Variants in ABTB3 observed in about 807,000 individuals in gnomAD.
The protein encoded by ABTB3 is ankyrin repeat- and BTB/POZ domain-containing protein 3.
chr12:107,476,187 C>A, the ABTB3 span, among the ~76,000 whole-genome samples: 11 of 152,126 alleles, frequency 7.2e-5, no homozygotes, highest in Non-Finnish European at 1.3e-4. Context: ...GCTGTTCAGC[C>A]CCTTGTCTGC....
the ABTB3 span, among the ~76,000 whole-genome samples, chr12:107,409,276 T>G: frequency 6.6e-6 from 1 of 152,206 alleles, no homozygotes; most frequent in Non-Finnish European, 1.5e-5. Context: ...CAGGCTCCAG[T>G]GCACAGTGAA....
the ABTB3 span, among the ~76,000 whole-genome samples, chr12:107,445,453 C>A: frequency 1.3e-5 from 2 of 152,150 alleles, no homozygotes; most frequent in Non-Finnish European, 2.9e-5. Flanking sequence ...CTGGTTTATT[C>A]ACTTTTTAAA....
At chr12:107,447,090 C>G in the ABTB3 span, among the ~76,000 whole-genome samples, 18 of 152,170 alleles carry the variant, frequency 1.2e-4, no homozygotes, top group African/African-American at 4.3e-4. Flanking sequence ...GAGTGCAGTT[C>G]CAGGCATCTG....
chr12:107,424,214 C>T, the ABTB3 span, among the ~76,000 whole-genome samples: 5 of 152,282 alleles, frequency 3.3e-5, no homozygotes, highest in Middle Eastern at 3.4e-3. Flanking sequence ...TTATCAGTGG[C>T]GGCTTCATCC....
chr12:107,551,846 G>A, the ABTB3 span, among the ~76,000 whole-genome samples: 5 of 151,844 alleles, frequency 3.3e-5, no homozygotes, highest in East Asian at 3.9e-4. Flanking sequence ...TCCACCTCCC[G>A]GGTTCAAGTG....
chr12:107,508,408 T>C, the ABTB3 span, among the ~76,000 whole-genome samples: 1 of 150,102 alleles, frequency 6.7e-6, no homozygotes, highest in Admixed American at 6.7e-5. Flanking sequence ...TCCATTGCCA[T>C]GATGTTAATT....
At chr12:107,614,472 G>T in the ABTB3 span, among the ~76,000 whole-genome samples, 1 of 152,132 alleles carries the variant, frequency 6.6e-6, no homozygotes. Flanking sequence ...GCTGAAAGCA[G>T]ACAGTCCCTT....
chr12:107,606,088 A>C, the ABTB3 span, among the ~76,000 whole-genome samples: 11 of 152,178 alleles, frequency 7.2e-5, no homozygotes, highest in African/African-American at 2.4e-4. Flanking sequence ...AGTCATAGGC[A>C]TGGTGGAGGG....
the ABTB3 span, among the ~76,000 whole-genome samples, chr12:107,461,894 A>T: frequency 6.6e-6 from 1 of 152,178 alleles, no homozygotes; most frequent in Non-Finnish European, 1.5e-5. Flanking sequence ...CTGGAATTCA[A>T]ATATGCTGAT....
the ABTB3 span, among the ~76,000 whole-genome samples, chr12:107,576,429 C>T: frequency 6.6e-6 from 1 of 152,298 alleles, no homozygotes; most frequent in South Asian, 2.1e-4. Flanking sequence ...CTCTTCTTGG[C>T]GTGCATGGCC....
the ABTB3 span, among the ~76,000 whole-genome samples, chr12:107,515,911 T>G: frequency 8.1e-6 from 1 of 123,582 alleles, no homozygotes; most frequent in Non-Finnish European, 1.9e-5. Flanking sequence ...GCAGTCAGCA[T>G]TTTTTATTAC....
chr12:107,375,846 A>C, the ABTB3 span, among the ~76,000 whole-genome samples: 1 of 151,954 alleles, frequency 6.6e-6, no homozygotes, highest in Non-Finnish European at 1.5e-5. Flanking sequence ...TCCTATTCAA[A>C]CCTGCAGAGG....
chr12:107,348,453 C>T, the ABTB3 span, among the ~76,000 whole-genome samples: 17 of 152,242 alleles, frequency 1.1e-4, no homozygotes, highest in East Asian at 9.7e-4. Context: ...GACCTGTTCA[C>T]GCCTGGTGCA....
the ABTB3 span, among the ~76,000 whole-genome samples, chr12:107,355,337 C>T: frequency 2.6e-5 from 4 of 152,188 alleles, no homozygotes; most frequent in East Asian, 3.9e-4. Flanking sequence ...CCTGTGTGGG[C>T]CCCAGCCCAG....
At chr12:107,561,953 C>T in the ABTB3 span, among the ~76,000 whole-genome samples, 1 of 152,172 alleles carries the variant, frequency 6.6e-6, no homozygotes, top group Non-Finnish European at 1.5e-5. Context: ...GATTTAGATG[C>T]TCCTACTTCC....
the ABTB3 span, among the ~76,000 whole-genome samples, chr12:107,655,274 T>TATATATAC: frequency 2.6e-4 from 39 of 151,242 alleles, no homozygotes; most frequent in African/African-American, 9.3e-4. Flanking sequence ...TATATATATA[T>TATATATAC]ACACCTACAA....
At chr12:107,609,729 A>G in the ABTB3 span, among the ~76,000 whole-genome samples, 2 of 152,304 alleles carry the variant, frequency 1.3e-5, no homozygotes, top group Admixed American at 6.5e-5. Flanking sequence ...CGGTAGATAA[A>G]CAGGCCAGCT....
chr12:107,374,404 T>G, the ABTB3 span, among the ~76,000 whole-genome samples: 1 of 152,134 alleles, frequency 6.6e-6, no homozygotes, highest in South Asian at 2.1e-4. Flanking sequence ...GACTCACTCC[T>G]CTCTCCTCAT....
At chr12:107,377,330 G>A in the ABTB3 span, among the ~76,000 whole-genome samples, 1 of 152,038 alleles carries the variant, frequency 6.6e-6, no homozygotes, top group East Asian at 1.9e-4. Flanking sequence ...TTCTCCCTCT[G>A]TCCGGTTTTG....
Sources: gnomAD v4.1 joint callset for allele counts (sites outside exome capture counted in the v4.1 genomes callset) on GRCh38, gnomAD v4.1.1 for gene constraint, MANE v1.5 for transcripts, NCBI Gene and HGNC (gene_info 2026-07-23, HGNC 2026-07-21) for gene names.